The following MFAP3L variants were observed in gnomAD, a reference collection of about 807,000 sequenced individuals.
MFAP3L encodes microfibril associated protein 3 like.
MFAP3L carries 5 observed loss-of-function variants against 20.0 expected under a neutral mutation model. The observed-to-expected ratio is 0.25, with a 90% confidence interval of 0.13 to 0.53. The LOEUF (loss-of-function observed/expected upper bound fraction) is 0.53. Among genes scored for constraint, MFAP3L ranks in the 20% least tolerant of loss-of-function variants. MFAP3L has a pLI of 0.96. For synonymous variants in MFAP3L, 219 were observed against 213.0 expected, an observed-to-expected ratio of 1.03 and a Z score of -0.25; for missense variants, 409 against 527.5, an observed-to-expected ratio of 0.78 and a Z score of 2.20.
chr4:169,988,463 C>T lies in MFAP3L; in HGVS notation c.*2915G>A, dbSNP rs181908383. On this transcript the variant is annotated 3_prime_UTR_variant, in exon 3 of 3. Coordinates refer to ENST00000361618, the MANE Select transcript of MFAP3L (RefSeq NM_021647.8). ...AATTGATTTTACAAACGACTACATACGACCCAAAGGACGAGGCTTTGGATT... is the reference window on the plus strand; with the variant it reads ...AATTGATTTTACAAACGACTACATATGACCCAAAGGACGAGGCTTTGGATT... 74 of 152,276 alleles carry T rather than the reference C, an allele frequency of 4.9e-4. No homozygotes were observed. The highest frequency in any genetic ancestry group is 1.7e-3 in the African/African-American group (71 of 41,558). The allele number at this position is 152,276 out of a possible 1,614,324, so 9.4% of individuals were successfully genotyped here.
chr4:169,997,621 A>G (rs1372887770), intron 2 of MFAP3L: 1 of 712,804 alleles, frequency 1.4e-6, no homozygotes, highest in Non-Finnish European at 1.7e-6. Flanking sequence ...AACTTTTTCA[A>G]CTCTCAGGTT....
In MFAP3L at chr4:169,992,607, A is replaced by G. The variant is rs991660911; in HGVS notation, c.299-298T>C. Among the ~76,000 whole-genome samples, 1 of 152,244 alleles carries G rather than the reference A, an allele frequency of 6.6e-6. No homozygotes were observed. The highest frequency in any genetic ancestry group is 6.5e-5 in the Admixed American group (1 of 15,288). On this transcript the variant is annotated intron_variant, in intron 2 of 2. Transcript: ENST00000361618. This position sits in a 1 kb window ranked among gnomAD's most constrained non-coding sequence, Gnocchi z 4.3. Reference sequence around the variant, plus strand: ...ACCGGCTTGGAAGCCGTAGAACTGAAGATGAACTTGAGTTCCAGAGGCTGC... The same window carrying G: ...ACCGGCTTGGAAGCCGTAGAACTGAGGATGAACTTGAGTTCCAGAGGCTGC...
chr4:170,015,788 C>G (rs1356044948), intron 1 of MFAP3L, among the ~76,000 whole-genome samples: 1 of 152,168 alleles, frequency 6.6e-6, no homozygotes, highest in Non-Finnish European at 1.5e-5. Flanking sequence ...AAGCCTGAGC[C>G]TCACTACTTT....
chr4:170,005,818 G>T lies in MFAP3L; in HGVS notation c.60C>A (p.Ile20=). ...TAGCGGTGGCTAGAGTGGATACTAG[G>T]ATTAAAAAGGGCACAGAAGGTAGAA... The part of the protein sequence containing the change: ...VCFLPSVPFL[I]LVSTLATAKS... The change falls in exon 2 of 3, where the codon ATC becomes ATA. Residue 20 remains isoleucine (I), a synonymous_variant. Transcript: ENST00000361618. 3.1e-6 allele frequency: 5 copies of T among 1,614,172 alleles called. No homozygotes were observed. The highest frequency in any genetic ancestry group is 4.2e-6 in the Non-Finnish European group (5 of 1,180,034).
At position 170,005,986 on chromosome 4, in the gene MFAP3L, A is replaced by T; in HGVS notation, c.-109T>A. On this transcript the variant is annotated 5_prime_UTR_variant, in exon 2 of 3. The change abolishes an upstream ATG in the 5' untranslated region. Coordinates refer to ENST00000361618, the MANE Select transcript of MFAP3L (RefSeq NM_021647.8). ...CATGGGACAAACCTGTCCTGGGTCC[A>T]TAGAGTTGGTACTTGAGCAAGAACC... 1 of 1,461,092 alleles carries T rather than the reference A, an allele frequency of 6.8e-7. No individual in the cohort carries two copies. Among genetic ancestry groups the T allele is most frequent in the Non-Finnish European group, 9.0e-7 (1 of 1,108,342 alleles). The allele number at this position is 1,461,092 out of a possible 1,614,324, so 90.5% of individuals were successfully genotyped here. A position where few individuals can be genotyped will look rare whatever the true frequency, so the allele number is the denominator to read the frequency against.
intron 2 of MFAP3L, among the ~76,000 whole-genome samples, chr4:169,997,040 C>T (rs899856956): frequency 3.3e-5 from 5 of 151,750 alleles, no homozygotes; most frequent in African/African-American, 1.2e-4. Flanking sequence ...CCAGATGCAG[C>T]CAAGCGTGAG....
At chr4:170,026,861 C>G (rs1297945355), upstream of MFAP3L, 1 of 152,324 alleles carries the variant, frequency 6.6e-6, no homozygotes, top group South Asian at 2.1e-4. Context: ...CAAGCCTACC[C>G]TGTCTCCTTG....
chr4:169,993,708 C>T (rs1186342484), intron 2 of MFAP3L: 4 of 152,078 alleles, frequency 2.6e-5, no homozygotes, highest in Non-Finnish European at 5.9e-5. Flanking sequence ...TGGCGGGAGC[C>T]TCTCGGTGGA....
Position 169,991,444 on chromosome 4 carries a change from C to T in MFAP3L, c.1164G>A (p.Leu388=), listed in dbSNP as rs1389565498. 1.2e-6 allele frequency: 2 copies of T among 1,614,102 alleles called. No individual in the cohort carries two copies. Among genetic ancestry groups the T allele is most frequent in the Admixed American group, 1.7e-5 (1 of 60,018 alleles). ...GTGTCACTGCTGGCTCTGTGGCTTCCAGGTAAGCTGGCGGCAGTACCTTAT... is the reference window on the plus strand; with the variant it reads ...GTGTCACTGCTGGCTCTGTGGCTTCTAGGTAAGCTGGCGGCAGTACCTTAT... ...VPDKVLPPAY[L]EATEPAVTHD... The change falls in exon 3 of 3, where the codon CTG becomes CTA. Residue 388 remains leucine (L), a synonymous_variant. Transcript: ENST00000361618. The surrounding 1 kb of genome is among the most constrained non-coding windows in gnomAD (Gnocchi z 4.9).
intron 1 of MFAP3L, among the ~76,000 whole-genome samples, chr4:170,014,748 T>C (rs183903730): frequency 5.3e-5 from 8 of 152,206 alleles, no homozygotes; most frequent in African/African-American, 1.9e-4. Flanking sequence ...CCCTTCTCAA[T>C]TCCTACCTCT....
At chr4:170,018,235 A>G (rs1461915817) in intron 1 of MFAP3L, among the ~76,000 whole-genome samples, 1 of 152,184 alleles carries the variant, frequency 6.6e-6, no homozygotes, top group African/African-American at 2.4e-5. Context: ...TCCTAGCAGG[A>G]GTAATGGTTT....
intron 1 of MFAP3L, among the ~76,000 whole-genome samples, chr4:170,008,499 T>C (rs1739181742): frequency 6.6e-6 from 1 of 152,184 alleles, no homozygotes; most frequent in Non-Finnish European, 1.5e-5. Flanking sequence ...GCCACAAAGC[T>C]CAATAAACCA....
chr4:170,012,008 T>C (rs6823836), intron 1 of MFAP3L, among the ~76,000 whole-genome samples: 95,312 of 152,044 alleles, frequency 0.63, 32,505 homozygotes, highest in East Asian at 0.94. Flanking sequence ...GGGAAGTAGG[T>C]TGGAAAGGCA....
chr4:170,006,885 T>G (rs1467719041), intron 1 of MFAP3L: 1 of 152,278 alleles, frequency 6.6e-6, no homozygotes, highest in Non-Finnish European at 1.5e-5. Flanking sequence ...TCTGTGTTAC[T>G]GTTACTTACG....
intron 1 of MFAP3L, among the ~76,000 whole-genome samples, chr4:170,016,437 G>A (rs1739706029): frequency 6.6e-6 from 1 of 152,264 alleles, no homozygotes; most frequent in Admixed American, 6.5e-5. Flanking sequence ...ATTTCCTTTG[G>A]AACCCTCAGG....
intron 1 of MFAP3L, among the ~76,000 whole-genome samples, chr4:170,010,098 A>G (rs1265027211): frequency 1.3e-5 from 2 of 152,144 alleles, no homozygotes; most frequent in Non-Finnish European, 2.9e-5. Context: ...AAGCATGGAG[A>G]GGGAAGCCCC....
At chr4:170,025,559 C>G (rs1423986912) in intron 1 of MFAP3L, among the ~76,000 whole-genome samples, 3 of 152,134 alleles carry the variant, frequency 2.0e-5, no homozygotes, top group Non-Finnish European at 4.4e-5. Context: ...CTGGAGAAGA[C>G]AGCTTAATGA....
At chr4:169,995,654 C>T (rs1738095500) in intron 2 of MFAP3L, among the ~76,000 whole-genome samples, 1 of 152,148 alleles carries the variant, frequency 6.6e-6, no homozygotes, top group South Asian at 2.1e-4. Flanking sequence ...AGAAGGGTCC[C>T]GACTTCAGCT....
rs142161258 is a variant in MFAP3L at position 169,992,338 on chromosome 4, C to T, written c.299-29G>A. The T allele has an allele frequency of 8.2e-5, 128 of 1,561,338 alleles. 1 individual carries two copies. Among genetic ancestry groups the T allele is most frequent in the Admixed American group, 1.4e-4 (8 of 57,314 alleles). ...TCGGAAGGGAGAGAAGAGAATTCAA[C>T]CAAGGACACAGAGCTCCCATGACTA... is the stretch of plus-strand genomic sequence containing the variant. On this transcript the variant is annotated intron_variant, in intron 2 of 2. Coordinates refer to ENST00000361618, the MANE Select transcript of MFAP3L (RefSeq NM_021647.8). The surrounding 1 kb of genome is among the most constrained non-coding windows in gnomAD (Gnocchi z 4.3).
Sources: gnomAD v4.1 joint callset for allele counts (sites outside exome capture counted in the v4.1 genomes callset) on GRCh38, gnomAD v4.1.1 for gene constraint, Gnocchi (gnomAD v3.1) non-coding constraint, MANE v1.5 for transcripts, NCBI Gene and HGNC (gene_info 2026-07-23, HGNC 2026-07-21) for gene names.